ATRN: variants seen among roughly 807,000 people sequenced by gnomAD.
ATRN encodes the protein attractin.
A neutral mutation model predicts 178.7 loss-of-function variants in ATRN; 54 were observed. That is an observed-to-expected ratio of 0.30 (90% CI 0.24 to 0.38). The LOEUF is 0.38. ATRN is among the 10% of genes least tolerant of loss of function. ATRN has a pLI of 1.00. For synonymous variants in ATRN, 636 were observed against 663.0 expected, an observed-to-expected ratio of 0.96 and a Z score of 0.63; for missense variants, 1,443 against 1,815.1, an observed-to-expected ratio of 0.79 and a Z score of 3.73.
At chr20:3,573,079 T>C (rs2086150569) in intron 12 of ATRN, 128 bp downstream of exon 12, 1 of 858,346 alleles carries the variant, frequency 1.2e-6, no homozygotes, top group Non-Finnish European at 1.8e-6. Flanking sequence ...TAATAACTTG[T>C]ACAAAGTGTT....
In ATRN at chr20:3,602,244, C is replaced by T. The variant is rs571739771; in HGVS notation, c.3643+1220C>T. Among the ~76,000 whole-genome samples the T allele has an allele frequency of 3.1e-4, 47 of 151,744 alleles. 2 individuals are homozygous for T. In the South Asian group the frequency reaches 9.0e-3, roughly 29 times the overall value. ...ACTCAGGAGGCTGAGGTAGGAGAAT[C>T]GCTTGAACCTTGGAGGTAGAGGTTG... On this transcript the variant is annotated intron_variant, in intron 23 of 28. Transcript: ENST00000262919.
At chr20:3,581,984 A>T (rs963092463) in intron 15 of ATRN, 151 bp from the exon 16 acceptor site, 3 of 670,972 alleles carry the variant, frequency 4.5e-6, no homozygotes, top group African/African-American at 3.6e-5. Context: ...TCATGCCTAT[A>T]ATCTCAACAT....
intron 18 of ATRN, 74 bp downstream of exon 18, chr20:3,584,954 T>C: frequency 1.4e-6 from 2 of 1,407,022 alleles, no homozygotes; most frequent in Non-Finnish European, 1.0e-6. Context: ...GAAAGCTACG[T>C]TGTGTATATG....
intron 19 of ATRN, 87 bp from the exon 20 acceptor site, chr20:3,594,392 G>T: frequency 9.5e-7 from 1 of 1,055,748 alleles, no homozygotes; most frequent in Non-Finnish European, 1.4e-6. Context: ...ACTCAATTCA[G>T]ATAAAATTGC....
chr20:3,568,183 C>T (rs375208798), intron 11 of ATRN, among the ~76,000 whole-genome samples: 10 of 151,356 alleles, frequency 6.6e-5, no homozygotes, highest in Admixed American at 1.3e-4. Context: ...CCCAGCTTCT[C>T]GGGAGGCTGA....
In ATRN at chr20:3,546,415, G is replaced by A. The variant is rs865813843; in HGVS notation, c.737+525G>A. 6.8e-5 allele frequency among the ~76,000 whole-genome samples: 9 copies of A among 132,552 alleles called. No homozygotes were observed. The South Asian group carries it at 1.9e-3, about 27-fold the overall frequency. 87.0% of individuals were successfully genotyped at this position (132,552 alleles called of 152,430 possible). A position where few individuals can be genotyped will look rare whatever the true frequency, so the allele number is the denominator to read the frequency against. On this transcript the variant is annotated intron_variant, in intron 4 of 28. Transcript: ENST00000262919. ...TTTTTTTTTTTTTTTTTTTTGAGACGGAGTCTCACTCTGTCACCTGGGCTG... is the reference window on the plus strand; with the variant it reads ...TTTTTTTTTTTTTTTTTTTTGAGACAGAGTCTCACTCTGTCACCTGGGCTG...
In ATRN at chr20:3,632,998, C is replaced by T. The variant is rs1274621106; in HGVS notation, c.3864-1313C>T. Among the ~76,000 whole-genome samples, 6 of 152,214 alleles carry T rather than the reference C, an allele frequency of 3.9e-5. No homozygotes were observed. Among genetic ancestry groups the T allele is most frequent in the South Asian group, 2.1e-4 (1 of 4,816 alleles). On this transcript the variant is annotated intron_variant, in intron 25 of 28. Transcript: ENST00000262919. This position sits in a 1 kb window ranked among gnomAD's most constrained non-coding sequence, Gnocchi z 4.2. ...TACAAAAATTAGCTGGGTGTGATGG[C>T]GCACACCTGTAGTCCAAGCTACTCA... is the stretch of plus-strand genomic sequence containing the variant.
chr20:3,535,335 C>A lies in ATRN; in HGVS notation c.493C>A (p.Gln165Lys). The A allele has an allele frequency of 6.6e-7, 1 of 1,519,538 alleles. No homozygotes were observed. The highest frequency in any genetic ancestry group is 8.9e-7 in the Non-Finnish European group (1 of 1,122,704). The allele number at this position is 1,519,538 out of a possible 1,614,324, so 94.1% of individuals were successfully genotyped here. Reference protein sequence around the residue: ...KTKCTWLIEGQPNRIMRLRFN... With the variant: ...KTKCTWLIEGKPNRIMRLRFN... Reference sequence around the variant, plus strand: ...GAAGTGCACGTGGCTCATTGAAGGACAGTAAGTAGAAATGGCTGACTTAAT... The same window carrying A: ...GAAGTGCACGTGGCTCATTGAAGGAAAGTAAGTAGAAATGGCTGACTTAAT... Residue 165 changes from glutamine to lysine, a missense_variant and splice_region_variant, in exon 2 of 29, where the codon CAG (glutamine) becomes AAG (lysine). Gln to Lys is a moderately conservative substitution (Grantham distance 53). This residue lies in a region of ATRN where 862 missense variants were observed against 972.1 expected (regional missense o/e 0.89). Transcript: ENST00000262919.
chr20:3,613,532 G>A (rs955845841), intron 24 of ATRN, among the ~76,000 whole-genome samples: 8 of 152,170 alleles, frequency 5.3e-5, no homozygotes, highest in Non-Finnish European at 1.0e-4. Context: ...CACACATTTA[G>A]CAACTGTGCA....
chr20:3,528,484 G>T (rs146971617), intron 1 of ATRN, among the ~76,000 whole-genome samples: 176 of 152,240 alleles, frequency 1.2e-3, no homozygotes, highest in African/African-American at 4.0e-3. Flanking sequence ...GTGAATTAAT[G>T]CAGTAACAGA....
At chr20:3,490,737 A>C in intron 1 of ATRN, 1 of 793,184 alleles carries the variant, frequency 1.3e-6, no homozygotes, top group East Asian at 2.4e-5. Context: ...CTTCTGGTGG[A>C]ATTCCTTTAT....
chr20:3,603,597 C>A lies in ATRN; in HGVS notation c.3644-508C>A, dbSNP rs144720291. On this transcript the variant is annotated intron_variant, in intron 23 of 28. Coordinates refer to ENST00000262919, the MANE Select transcript of ATRN (RefSeq NM_139321.3). ...CTCTGCCTCCCAGGTTCAAGCGATT[C>A]TCCTGCCTCAGCCTGCTGAGTAGCT... 2.9e-3 allele frequency among the ~76,000 whole-genome samples: 434 copies of A among 151,928 alleles called. 1 individual carries two copies. The highest frequency in any genetic ancestry group is 0.01 in the African/African-American group (415 of 41,434).
intron 13 of ATRN, 144 bp from the exon 14 acceptor site, chr20:3,576,715 A>ATCTATCTATCTG (rs2086216198): frequency 1.5e-6 from 1 of 646,342 alleles, no homozygotes; most frequent in Non-Finnish European, 2.7e-6. Flanking sequence ...CTATCTATCT[A>ATCTATCTATCTG]TCTATCTATC....
At chr20:3,531,891 A>G (rs1372755930) in intron 1 of ATRN, among the ~76,000 whole-genome samples, 6 of 152,226 alleles carry the variant, frequency 3.9e-5, no homozygotes, top group Non-Finnish European at 8.8e-5. Context: ...TAAAGATACT[A>G]AGTAAACATT....
intron 23 of ATRN, among the ~76,000 whole-genome samples, chr20:3,603,455 G>C (rs1233518584): frequency 1.1e-4 from 16 of 151,562 alleles, no homozygotes. Context: ...GTGGAAGGGA[G>C]TTACATGGAT....
chr20:3,542,218 A>G (rs1272271683), intron 3 of ATRN, among the ~76,000 whole-genome samples: 1 of 152,220 alleles, frequency 6.6e-6, no homozygotes, highest in Admixed American at 6.5e-5. Flanking sequence ...CCCCAAAACT[A>G]AGTGTGATGT....
chr20:3,520,804 C>T (rs1350946820), intron 1 of ATRN, among the ~76,000 whole-genome samples: 2 of 152,056 alleles, frequency 1.3e-5, no homozygotes, highest in African/African-American at 4.8e-5. Context: ...GCCTGCACGC[C>T]AACTTTATCA....
intron 24 of ATRN, among the ~76,000 whole-genome samples, chr20:3,607,872 C>G (rs1456501445): frequency 6.6e-6 from 1 of 152,130 alleles, no homozygotes; most frequent in Non-Finnish European, 1.5e-5. Flanking sequence ...TGTATCCTCG[C>G]CAGCATCTGT....
intron 1 of ATRN, among the ~76,000 whole-genome samples, chr20:3,524,483 A>C (rs2085338089): frequency 1.3e-5 from 2 of 152,124 alleles, no homozygotes; most frequent in African/African-American, 4.8e-5. Flanking sequence ...TTAACACCCC[A>C]CTGTCAATAT....
Sources: allele counts gnomAD v4.1 joint callset (sites outside exome capture counted in the v4.1 genomes callset), GRCh38; gene constraint gnomAD v4.1.1; regional missense constraint gnomAD v4.1.1; non-coding constraint Gnocchi (gnomAD v3.1); transcripts MANE v1.5; gene names NCBI Gene and HGNC (gene_info 2026-07-23, HGNC 2026-07-21).